The following ROBO1 variants were observed in gnomAD, a reference collection of about 807,000 sequenced individuals.
ROBO1 encodes roundabout guidance receptor 1.
In ROBO1, 149 loss-of-function variants were observed where a neutral mutation model predicts 195.9. The observed-to-expected ratio is 0.76, with a 90% CI of 0.67 to 0.87. The LOEUF is 0.87. Ranked by LOEUF, ROBO1 falls within the 40% of genes least tolerant of loss-of-function variation. ROBO1 has a pLI of 0.00. For synonymous variants in ROBO1, 816 were observed against 733.2 expected (o/e 1.11, Z -1.82); for missense variants, 1,933 against 2,068.3 (o/e 0.93, Z 1.27).
chr3:79,649,169 A>G (rs575274232), intron 1 of ROBO1, among the ~76,000 whole-genome samples: 1 of 152,160 alleles, frequency 6.6e-6, no homozygotes, highest in East Asian at 1.9e-4. Flanking sequence ...AATGATTTCA[A>G]CATCCAACTG....
intron 2 of ROBO1, among the ~76,000 whole-genome samples, chr3:79,546,812 T>C (rs1253068078): frequency 6.6e-6 from 1 of 152,094 alleles, no homozygotes; most frequent in African/African-American, 2.4e-5. Flanking sequence ...GCAGTTAACA[T>C]AGAAAAAAGT....
intron 2 of ROBO1, among the ~76,000 whole-genome samples, chr3:79,138,120 G>A (rs1236808808): frequency 1.3e-5 from 2 of 152,008 alleles, no homozygotes; most frequent in Non-Finnish European, 2.9e-5. Flanking sequence ...ACTACTGACT[G>A]AAATCAAGAT....
chr3:79,737,781 C>T (rs915561392), intron 1 of ROBO1, among the ~76,000 whole-genome samples: 3 of 152,178 alleles, frequency 2.0e-5, no homozygotes, highest in Non-Finnish European at 4.4e-5. Context: ...GCTGTCAGTG[C>T]TTTCCAGCTC....
intron 2 of ROBO1, among the ~76,000 whole-genome samples, chr3:79,386,108 T>A (rs1294196233): frequency 6.6e-6 from 1 of 152,164 alleles, no homozygotes; most frequent in Non-Finnish European, 1.5e-5. Flanking sequence ...ATTATAGTGA[T>A]AGATTTTAAC....
chr3:79,585,175 T>C lies in ROBO1; in HGVS notation c.88+4649A>G, dbSNP rs1943789868. On this transcript the variant is annotated intron_variant, in intron 2 of 30. Coordinates refer to ENST00000464233, the MANE Select transcript of ROBO1 (RefSeq NM_002941.4). ...CAAAATTGTCTAAGGTTTCTGTAAGTCATAATACAGCCATGGTTATTAGTT... is the reference window on the plus strand; with the variant it reads ...CAAAATTGTCTAAGGTTTCTGTAAGCCATAATACAGCCATGGTTATTAGTT... Among the ~76,000 whole-genome samples the C allele has an allele frequency of 2.0e-5, 3 of 152,002 alleles. No individual in the cohort carries two copies. The South Asian group carries it at 6.2e-4, about 32-fold the overall frequency.
chr3:79,520,512 T>C (rs1177189964), intron 2 of ROBO1, among the ~76,000 whole-genome samples: 1 of 152,178 alleles, frequency 6.6e-6, no homozygotes, highest in East Asian at 1.9e-4. Context: ...CCTTCAGCCA[T>C]GGCAAATGTT....
chr3:78,744,599 A>G (rs1186205234), intron 5 of ROBO1, among the ~76,000 whole-genome samples: 2 of 152,152 alleles, frequency 1.3e-5, no homozygotes, highest in African/African-American at 4.8e-5. Flanking sequence ...TTTACTCTCT[A>G]GTGAATGCGT....
intron 3 of ROBO1, among the ~76,000 whole-genome samples, chr3:78,959,004 A>G (rs924857453): frequency 4.6e-5 from 7 of 151,694 alleles, no homozygotes; most frequent in African/African-American, 1.7e-4. Context: ...AGGTTTTACT[A>G]TGTTGCCAGG....
chr3:78,649,034 C>A (rs1371081241), intron 19 of ROBO1, among the ~76,000 whole-genome samples: 1 of 151,614 alleles, frequency 6.6e-6, no homozygotes, highest in African/African-American at 2.4e-5. Flanking sequence ...TCTTAAGAAT[C>A]CTATTGTGTT....
intron 2 of ROBO1, among the ~76,000 whole-genome samples, chr3:79,139,675 A>G (rs1201277916): frequency 6.6e-6 from 1 of 152,076 alleles, no homozygotes; most frequent in Non-Finnish European, 1.5e-5. Context: ...ATCTGCAGAG[A>G]TTTGCTGCCT....
chr3:79,553,184 A>G (rs1319395785), intron 2 of ROBO1, among the ~76,000 whole-genome samples: 1 of 151,948 alleles, frequency 6.6e-6, no homozygotes, highest in Non-Finnish European at 1.5e-5. Context: ...CGACACCTCC[A>G]TTTATTTGTT....
At chr3:79,170,452 C>T (rs1409898018) in intron 2 of ROBO1, among the ~76,000 whole-genome samples, 1 of 152,096 alleles carries the variant, frequency 6.6e-6, no homozygotes, top group Non-Finnish European at 1.5e-5. Context: ...CAATCTGTTC[C>T]ATTACCTAGA....
chr3:79,484,709 T>G (rs572234316), intron 2 of ROBO1, among the ~76,000 whole-genome samples: 1 of 149,496 alleles, frequency 6.7e-6, no homozygotes, highest in African/African-American at 2.5e-5. Context: ...GGGTTAAGTA[T>G]ATTGTGATAA....
At chr3:79,463,371 T>G (rs190172852) in intron 2 of ROBO1, among the ~76,000 whole-genome samples, 2 of 143,516 alleles carry the variant, frequency 1.4e-5, no homozygotes, top group East Asian at 2.0e-4. Context: ...CAAGATTACA[T>G]CTCAAAAAAA....
At chr3:79,271,042 A>C (rs960751143) in intron 2 of ROBO1, among the ~76,000 whole-genome samples, 31 of 152,036 alleles carry the variant, frequency 2.0e-4, no homozygotes, top group African/African-American at 7.5e-4. Flanking sequence ...CTGTAGATTC[A>C]GAAGAAATAT....
chr3:79,103,278 T>C (rs550770193), intron 3 of ROBO1, among the ~76,000 whole-genome samples: 1 of 151,878 alleles, frequency 6.6e-6, no homozygotes, highest in Admixed American at 6.6e-5. Context: ...AAAGTGAATA[T>C]GGACTAATGC....
intron 4 of ROBO1, among the ~76,000 whole-genome samples, chr3:78,853,049 C>T (rs552250331): frequency 2.0e-5 from 3 of 152,096 alleles, no homozygotes; most frequent in African/African-American, 7.2e-5. Context: ...TTAGACATTC[C>T]ATTTCAGACA....
intron 25 of ROBO1, among the ~76,000 whole-genome samples, chr3:78,628,728 T>A (rs1447187100): frequency 6.6e-6 from 1 of 152,216 alleles, no homozygotes; most frequent in East Asian, 1.9e-4. Flanking sequence ...GTTTCCTTTA[T>A]TAACAAACAG....
chr3:79,676,038 T>C (rs1170078387), intron 1 of ROBO1, among the ~76,000 whole-genome samples: 2 of 152,028 alleles, frequency 1.3e-5, no homozygotes, highest in African/African-American at 4.8e-5. Context: ...TGCTTTTCTC[T>C]TGTGAATCTA....
Sources: allele counts gnomAD v4.1 joint callset (sites outside exome capture counted in the v4.1 genomes callset), GRCh38; gene constraint gnomAD v4.1.1; transcripts MANE v1.5; gene names NCBI Gene and HGNC (gene_info 2026-07-23, HGNC 2026-07-21).